PFKL: variants seen among roughly 807,000 people sequenced by gnomAD.
PFKL encodes the protein ATP-dependent 6-phosphofructokinase, liver type.
A neutral mutation model predicts 92.1 loss-of-function variants in PFKL; 74 were observed. The ratio of observed to expected loss-of-function variants is 0.80; its 90% CI spans 0.67 to 0.97. The LOEUF is 0.97. Among genes scored for constraint, PFKL ranks in the 50% least tolerant of loss-of-function variants. PFKL has a pLI of 0.00. For synonymous variants in PFKL, 494 were observed against 456.4 expected (o/e 1.08, Z -1.05); for missense variants, 1,028 against 1,116.6 (o/e 0.92, Z 1.13).
At chr21:44,310,292 G>A (rs908210980) in intron 2 of PFKL, among the ~76,000 whole-genome samples, 1 of 152,248 alleles carries the variant, frequency 6.6e-6, no homozygotes, top group East Asian at 1.9e-4. Context: ...AGGTAGAACC[G>A]CATGAGAGGC....
chr21:44,312,068 G>C (rs775048422), intron 3 of PFKL, 37 bp from the exon 4 acceptor site: 3 of 1,392,734 alleles, frequency 2.2e-6, no homozygotes, highest in Non-Finnish European at 2.8e-6. Flanking sequence ...TCTGCCGCCT[G>C]CCATCTCTCC....
At chr21:44,304,374 G>C in intron 1 of PFKL, 1 of 1,276,814 alleles carries the variant, frequency 7.8e-7, no homozygotes, top group Non-Finnish European at 1.0e-6. Flanking sequence ...GGGGAGACCA[G>C]AGAGGCCCTG....
At chr21:44,303,479 CT>C (rs1568939733) in intron 1 of PFKL, among the ~76,000 whole-genome samples, 2 of 145,670 alleles carry the variant, frequency 1.4e-5, no homozygotes, top group Non-Finnish European at 3.0e-5. Context: ...CTATGCCTAC[CT>C]TCATCTCGCC....
At chr21:44,316,199 G>C in intron 7 of PFKL, 45 bp from the exon 8 acceptor site, 1 of 1,591,010 alleles carries the variant, frequency 6.3e-7, no homozygotes, top group Non-Finnish European at 8.6e-7. Flanking sequence ...GTCCGGGGCA[G>C]GTTTCCCTGC....
At chr21:44,317,582 T>C (rs1197156189) in intron 9 of PFKL, among the ~76,000 whole-genome samples, 7 of 152,162 alleles carry the variant, frequency 4.6e-5, no homozygotes, top group African/African-American at 1.7e-4. Context: ...GCCAGTGTCT[T>C]GGATGCCTGA....
chr21:44,324,324 TG>T, intron 16 of PFKL, 166 bp from the exon 17 acceptor site: 2 of 671,262 alleles, frequency 3.0e-6, no homozygotes, highest in Non-Finnish European at 5.0e-6. Context: ...CCTGGTCCTG[TG>T]GGGCCCAGGT....
intron 1 of PFKL, chr21:44,304,344 C>T: frequency 7.8e-7 from 1 of 1,287,792 alleles, no homozygotes. Flanking sequence ...CCCAGTGGCA[C>T]ATTGACTCCG....
chr21:44,301,748 C>G (rs929016532), intron 1 of PFKL, among the ~76,000 whole-genome samples: 1 of 152,130 alleles, frequency 6.6e-6, no homozygotes. Flanking sequence ...TGGTGAAGCC[C>G]CAAAGCCCAC....
At position 44,323,891 on chromosome 21, in the gene PFKL, C is replaced by T. The variant is rs550586053; in HGVS notation, c.1623C>T (p.Ser541=). ...CTGGCACCGACTTCAGCCTGGGCTC[C>T]GACACTGCTGTAAATGCCGCCATGG... ...NVPGTDFSLG[S]DTAVNAAMES... Residue 541 remains serine (S), a synonymous_variant, in exon 16 of 22, where the codon TCC becomes TCT. Coordinates refer to ENST00000349048, the MANE Select transcript of PFKL (RefSeq NM_002626.6). 3.3e-5 allele frequency: 53 copies of T among 1,613,504 alleles called. No homozygotes were observed. The highest frequency in any genetic ancestry group is 1.2e-4 in the South Asian group (11 of 91,090).
intron 17 of PFKL, 59 bp downstream of exon 17, chr21:44,324,714 GA>G: frequency 6.4e-7 from 1 of 1,562,340 alleles, no homozygotes; most frequent in South Asian, 1.2e-5. Context: ...CTGGGCCCCA[GA>G]CACTCAGGCC....
chr21:44,306,619 G>GGGT, intron 1 of PFKL, 62 bp from the exon 2 acceptor site: 6 of 1,459,632 alleles, frequency 4.1e-6, no homozygotes, highest in Non-Finnish European at 5.7e-6. Flanking sequence ...TCTGAGATGG[G>GGGT]GAGGGTGTCC....
At chr21:44,306,349 A>G (rs55758521) in intron 1 of PFKL, among the ~76,000 whole-genome samples, 25,505 of 152,122 alleles carry the variant, frequency 0.17, 2,300 homozygotes, top group East Asian at 0.25. Flanking sequence ...GGTGCTCGGA[A>G]GCTGAAGCCT....
At chr21:44,311,241 T>C (rs915788627) in intron 3 of PFKL, among the ~76,000 whole-genome samples, 158 bp downstream of exon 3, 1 of 147,426 alleles carries the variant, frequency 6.8e-6, no homozygotes, top group African/African-American at 2.5e-5. Flanking sequence ...CACACACAGA[T>C]GTGCACACAC....
intron 16 of PFKL, 59 bp from the exon 17 acceptor site, chr21:44,324,432 G>T: frequency 6.3e-7 from 1 of 1,577,442 alleles, no homozygotes; most frequent in Non-Finnish European, 8.7e-7. Flanking sequence ...TAGCCATGCC[G>T]ACGGCCTACA....
In PFKL at chr21:44,318,579, T is replaced by C. The variant is rs755489403; in HGVS notation, c.1046T>C (p.Met349Thr). ...AACCAGTCAGTGCGGCTGCCCCTCA[T>C]GGAGTGCGTGCAGATGGTAAGCCCT... ...SGNQSVRLPLMECVQMTKEVQ... is the reference protein window; with the variant it reads ...SGNQSVRLPLTECVQMTKEVQ... The change falls in exon 10 of 22, where the codon ATG becomes ACG. Residue 349 changes from methionine (M) to threonine (T), a missense_variant. Met to Thr is a moderately conservative substitution (Grantham distance 81, BLOSUM62 -1). Transcript: ENST00000349048. 7 of 1,532,572 alleles carry C rather than the reference T, an allele frequency of 4.6e-6. No homozygotes were observed. The Admixed American group carries it at 9.3e-5, about 20-fold the overall frequency. 94.9% of individuals were successfully genotyped at this position (1,532,572 alleles called of 1,614,324 possible). A position where few individuals can be genotyped will look rare whatever the true frequency, so the allele number is the denominator to read the frequency against.
rs1025625680 is a variant in PFKL, at chr21:44,304,119, TCTC to T, written c.86-2557_86-2555del. 1.3e-4 allele frequency among the ~76,000 whole-genome samples: 20 copies of T among 151,610 alleles called. 1 individual carries two copies. Among genetic ancestry groups the T allele is most frequent in the Admixed American group, 1.1e-3 (17 of 15,248 alleles). ...TGGCCATGTGACATGGCCACTTTGTTCTCCTCCCAAGGGCTCAGCACAAAGCTG... is the reference window on the plus strand; with the variant it reads ...TGGCCATGTGACATGGCCACTTTGTTCTCCCAAGGGCTCAGCACAAAGCTG... On this transcript the variant is annotated intron_variant, in intron 1 of 21. Transcript: ENST00000349048.
At chr21:44,326,292 C>T (rs367700956) in intron 21 of PFKL, 28 bp downstream of exon 21, 719 of 1,529,384 alleles carry the variant, frequency 4.7e-4, no homozygotes, top group Non-Finnish European at 6.0e-4. Flanking sequence ...CTCGTGGAGG[C>T]GGGTGGGGCT....
chr21:44,316,584 G>A, intron 9 of PFKL, 60 bp downstream of exon 9: 1 of 1,331,690 alleles, frequency 7.5e-7, no homozygotes, highest in Non-Finnish European at 1.0e-6. Flanking sequence ...TGTGGGTGTG[G>A]GTGTGGGCAG....
At chr21:44,313,607 A>G (rs1360731221) in intron 5 of PFKL, 31 bp from the exon 6 acceptor site, 2 of 1,603,526 alleles carry the variant, frequency 1.2e-6, no homozygotes, top group East Asian at 2.2e-5. Flanking sequence ...TGTGGCTGGC[A>G]CTGATGCATC....
Sources: allele counts gnomAD v4.1 joint callset (sites outside exome capture counted in the v4.1 genomes callset), GRCh38; gene constraint gnomAD v4.1.1; transcripts MANE v1.5; gene names NCBI Gene and HGNC (gene_info 2026-07-23, HGNC 2026-07-21).